MSI1: variants seen among roughly 807,000 people sequenced by gnomAD.
The protein encoded by MSI1 is RNA-binding protein Musashi homolog 1.
In MSI1, 15 loss-of-function variants were observed where a neutral mutation model predicts 54.4. That is an observed-to-expected ratio of 0.28 (90% confidence interval 0.18 to 0.42). The LOEUF (loss-of-function observed/expected upper bound fraction) is 0.42. MSI1 is among the 20% of genes least tolerant of loss of function. The pLI is 1.00. For synonymous variants in MSI1, 200 were observed against 196.5 expected (o/e 1.02, Z -0.15); for missense variants, 304 against 506.0 (o/e 0.60, Z 3.83).
chr12:120,355,536 T>C (rs1293055716), intron 9 of MSI1, among the ~76,000 whole-genome samples: 1 of 152,162 alleles, frequency 6.6e-6, no homozygotes, highest in Non-Finnish European at 1.5e-5. Flanking sequence ...CCACGATGCA[T>C]GTAACTAGCC....
intron 11 of MSI1, among the ~76,000 whole-genome samples, chr12:120,349,175 G>A (rs190036790): frequency 8.5e-4 from 126 of 149,076 alleles, no homozygotes; most frequent in African/African-American, 3.0e-3. Context: ...AGCTCACTGC[G>A]ACCTCTGCCT....
At chr12:120,365,932 T>A (rs1828741273) in intron 4 of MSI1, among the ~76,000 whole-genome samples, 1 of 152,206 alleles carries the variant, frequency 6.6e-6, no homozygotes, top group African/African-American at 2.4e-5. Context: ...AGCGGCCCTT[T>A]GTGAACTGCC....
In MSI1 at chr12:120,342,828, G is replaced by C. The variant is rs1315359277; in HGVS notation, c.*299C>G. On this transcript the variant is annotated 3_prime_UTR_variant, in exon 15 of 15. Transcript: ENST00000257552. Reference sequence around the variant, plus strand: ...GGGGGCGCGGCACGGAGGGAGGGATGGACCAGAGGGCTGGGGTGGGCAACC... The same window carrying C: ...GGGGGCGCGGCACGGAGGGAGGGATCGACCAGAGGGCTGGGGTGGGCAACC... The C allele has an allele frequency of 6.9e-6, 1 of 145,600 alleles. No homozygotes were observed. Among genetic ancestry groups the C allele is most frequent in the Non-Finnish European group, 1.5e-5 (1 of 66,324 alleles). The allele number at this position is 145,600 out of a possible 1,614,324, so 9.0% of individuals were successfully genotyped here.
intron 7 of MSI1, 142 bp downstream of exon 7, chr12:120,358,863 C>CTTCT (rs1875379437): frequency 1.0e-6 from 1 of 968,264 alleles, no homozygotes; most frequent in South Asian, 1.5e-5. Context: ...GGACAAAAGC[C>CTTCT]TTCTGTAAGG....
At chr12:120,367,843 C>A (rs1018849617) in intron 4 of MSI1, among the ~76,000 whole-genome samples, 165 bp downstream of exon 4, 1 of 152,050 alleles carries the variant, frequency 6.6e-6, no homozygotes, top group Non-Finnish European at 1.5e-5. Flanking sequence ...CCCTCTCCCC[C>A]CCAACTCTAG....
At chr12:120,357,950 A>C (rs770072562) in intron 7 of MSI1, 52 bp from the exon 8 acceptor site, 91 of 1,517,550 alleles carry the variant, frequency 6.0e-5, no homozygotes, top group Non-Finnish European at 1.6e-5. Flanking sequence ...GCGCAGGGTC[A>C]AAACTCAACC....
chr12:120,354,578 T>C (rs550237755), intron 9 of MSI1, among the ~76,000 whole-genome samples: 1 of 152,176 alleles, frequency 6.6e-6, no homozygotes, highest in Non-Finnish European at 1.5e-5. Flanking sequence ...AATAAAGGCA[T>C]GTGCCACTAC....
chr12:120,348,492 T>C (rs1874322848), intron 11 of MSI1, among the ~76,000 whole-genome samples: 1 of 152,026 alleles, frequency 6.6e-6, no homozygotes, highest in Non-Finnish European at 1.5e-5. Flanking sequence ...TCCCCAACCA[T>C]AACGCCTTAG....
intron 11 of MSI1, among the ~76,000 whole-genome samples, chr12:120,350,431 A>T (rs1385325207): frequency 6.6e-6 from 1 of 152,084 alleles, no homozygotes; most frequent in Non-Finnish European, 1.5e-5. Context: ...TGTTACCTGC[A>T]TCTCTAGGGT....
At chr12:120,349,662 G>C (rs1285564896) in intron 11 of MSI1, among the ~76,000 whole-genome samples, 1 of 152,164 alleles carries the variant, frequency 6.6e-6, no homozygotes, top group Non-Finnish European at 1.5e-5. Flanking sequence ...AATATTTATC[G>C]AATGCATGAA....
In MSI1 at chr12:120,351,375, G is replaced by A. The variant is rs767001458; in HGVS notation, c.759C>T (p.Leu253=). ...FPEFRVERTP[L]PSAPVLPELT... ...GCTCGGGGAGGACTGGGGCGCTCGG[G>A]AGAGGGGTCCGCTCTACACGGAATT... The change falls in exon 11 of 15, where the codon CTC becomes CTT. Residue 253 remains leucine (L), a synonymous_variant. Coordinates refer to ENST00000257552, the MANE Select transcript of MSI1 (RefSeq NM_002442.4). 2 of 1,613,718 alleles carry A rather than the reference G, an allele frequency of 1.2e-6. No homozygotes were observed. Among genetic ancestry groups the A allele is most frequent in the Non-Finnish European group, 1.7e-6 (2 of 1,179,936 alleles).
intron 10 of MSI1, among the ~76,000 whole-genome samples, chr12:120,352,372 CTTG>C (rs1874692381): frequency 6.6e-6 from 1 of 151,150 alleles, no homozygotes; most frequent in South Asian, 2.1e-4. Flanking sequence ...TCCTCTTCTT[CTTG>C]TGTGTGTGTG....
rs770133777 is a variant in MSI1, at chr12:120,346,217, G to A, written c.965C>T (p.Ala322Val). 21 of 1,597,648 alleles carry A rather than the reference G, an allele frequency of 1.3e-5. No individual in the cohort carries two copies. The highest frequency in any genetic ancestry group is 6.8e-5 in the East Asian group (3 of 44,280). ...SPGPMAELYGAANQDSGVSSY... is the reference protein window; with the variant it reads ...SPGPMAELYGVANQDSGVSSY... Reference sequence around the variant, plus strand: ...GCTGACCCCCGAGTCCTGGTTGGCCGCCCCGTAGAGCTCGGCCATGGGGCC... The same window carrying A: ...GCTGACCCCCGAGTCCTGGTTGGCCACCCCGTAGAGCTCGGCCATGGGGCC... The change falls in exon 13 of 15, where the codon GCG (alanine) becomes GTG (valine). Residue 322 changes from alanine to valine, a missense_variant. Transcript: ENST00000257552.
intron 11 of MSI1, among the ~76,000 whole-genome samples, chr12:120,348,566 TA>T (rs1263655606): frequency 2.7e-5 from 4 of 149,546 alleles, no homozygotes; most frequent in African/African-American, 9.9e-5. Flanking sequence ...TTTTTTTTTT[TA>T]AATTAATTTT....
intron 14 of MSI1, among the ~76,000 whole-genome samples, chr12:120,344,870 G>T (rs1202782081): frequency 3.3e-5 from 5 of 151,694 alleles, no homozygotes; most frequent in African/African-American, 4.8e-5. Flanking sequence ...ACCAAAATTA[G>T]CTGGGTGCGG....
At chr12:120,361,774 C>G (rs1164122733) in intron 6 of MSI1, among the ~76,000 whole-genome samples, 1 of 151,682 alleles carries the variant, frequency 6.6e-6, no homozygotes, top group East Asian at 2.0e-4. Context: ...GTCCCCCTCG[C>G]TCCCTGGCAG....
At chr12:120,366,157 G>A (rs1402843713) in intron 4 of MSI1, among the ~76,000 whole-genome samples, 2 of 152,218 alleles carry the variant, frequency 1.3e-5, no homozygotes, top group Non-Finnish European at 2.9e-5. Context: ...ATGGGTGGAC[G>A]TCATTCATAA....
chr12:120,351,426 G>C, intron 10 of MSI1, 26 bp from the exon 11 acceptor site: 2 of 1,610,154 alleles, frequency 1.2e-6, no homozygotes, highest in South Asian at 2.2e-5. Context: ...AAACAGCTTA[G>C]GAAGAAGCAG....
chr12:120,354,560 G>C (rs1047266900), intron 9 of MSI1, among the ~76,000 whole-genome samples: 4 of 152,110 alleles, frequency 2.6e-5, no homozygotes, highest in Non-Finnish European at 2.9e-5. Context: ...GCCTCCCGAG[G>C]AGCTGGGAAT....
Sources: gnomAD v4.1 joint callset for allele counts (sites outside exome capture counted in the v4.1 genomes callset) on GRCh38, gnomAD v4.1.1 for gene constraint, MANE v1.5 for transcripts, NCBI Gene and HGNC (gene_info 2026-07-23, HGNC 2026-07-21) for gene names.